The following CNKSR3 variants were observed in gnomAD, a reference collection of about 807,000 sequenced individuals.
CNKSR3 encodes the protein CNKSR family member 3, also known as connector enhancer of kinase suppressor of ras 3.
A neutral mutation model predicts 67.7 loss-of-function variants in CNKSR3; 36 were observed. The ratio of observed to expected loss-of-function variants is 0.53; its 90% CI spans 0.41 to 0.70. The LOEUF is 0.70. Ranked by LOEUF, CNKSR3 falls within the 30% of genes least tolerant of loss-of-function variation. The pLI, the probability that CNKSR3 is intolerant of heterozygous loss-of-function variation, is 0.00. For synonymous variants in CNKSR3, 281 were observed against 271.4 expected, an observed-to-expected ratio of 1.04 and a Z score of -0.35; for missense variants, 630 against 695.2, an observed-to-expected ratio of 0.91 and a Z score of 1.05.
Position 154,395,910 on chromosome 6 carries a change from G to A in CNKSR3, c.*10444C>T, listed in dbSNP as rs976915590. On this transcript the variant is annotated 3_prime_UTR_variant, in exon 13 of 13. Coordinates refer to ENST00000607772, the MANE Select transcript of CNKSR3 (RefSeq NM_173515.4). ...CCACCACACTCGGTTAATTTTGTTT[G>A]TTTGGAGGCAGGGTTTCACCATGTT... 1.3e-5 allele frequency: 2 copies of A among 152,280 alleles called. No homozygotes were observed. The highest frequency in any genetic ancestry group is 3.9e-4 in the East Asian group (2 of 5,176). The allele number at this position is 152,280 out of a possible 1,614,324, so 9.4% of individuals were successfully genotyped here. A position where few individuals can be genotyped will look rare whatever the true frequency, so the allele number is the denominator to read the frequency against.
intron 1 of CNKSR3, among the ~76,000 whole-genome samples, chr6:154,458,783 C>T (rs1165943599): frequency 3.9e-5 from 6 of 152,172 alleles, no homozygotes; most frequent in Non-Finnish European, 8.8e-5. Context: ...CTGACACCCA[C>T]GCACACTACT....
intron 2 of CNKSR3, among the ~76,000 whole-genome samples, chr6:154,445,343 T>C (rs937086822): frequency 3.9e-5 from 6 of 152,134 alleles, no homozygotes; most frequent in Non-Finnish European, 8.8e-5. Flanking sequence ...TGTCCTTCAA[T>C]AGAGAGACAA....
At chr6:154,476,876 A>C (rs1786463374) in intron 1 of CNKSR3, among the ~76,000 whole-genome samples, 1 of 152,320 alleles carries the variant, frequency 6.6e-6, no homozygotes, top group African/African-American at 2.4e-5. Flanking sequence ...AGGTCTTAAA[A>C]ATATCCAGGT....
chr6:154,416,399 T>C (rs1465716413), intron 9 of CNKSR3, among the ~76,000 whole-genome samples: 1 of 152,214 alleles, frequency 6.6e-6, no homozygotes, highest in Non-Finnish European at 1.5e-5. Flanking sequence ...CTATCAATTC[T>C]ACTCAATTTG....
At chr6:154,502,895 T>C (rs1431747052) in intron 1 of CNKSR3, among the ~76,000 whole-genome samples, 1 of 151,532 alleles carries the variant, frequency 6.6e-6, no homozygotes, top group Non-Finnish European at 1.5e-5. Context: ...ACACGCTGGG[T>C]GAAAAGAGAG....
At chr6:154,464,225 G>A (rs536578900) in intron 1 of CNKSR3, among the ~76,000 whole-genome samples, 26 of 152,288 alleles carry the variant, frequency 1.7e-4, no homozygotes, top group African/African-American at 6.3e-4. Context: ...GACTGTTAGG[G>A]TGGAGGGTGA....
At chr6:154,493,747 T>C (rs982169032) in intron 1 of CNKSR3, among the ~76,000 whole-genome samples, 4 of 151,892 alleles carry the variant, frequency 2.6e-5, no homozygotes, top group East Asian at 2.0e-4. Flanking sequence ...CAGGCACACA[T>C]GGCAGCAGCG....
At chr6:154,461,765 T>C (rs1408777982) in intron 1 of CNKSR3, among the ~76,000 whole-genome samples, 3 of 152,220 alleles carry the variant, frequency 2.0e-5, no homozygotes, top group African/African-American at 4.8e-5. Flanking sequence ...AGCTTATAAG[T>C]AACTGGCCTA....
intron 1 of CNKSR3, among the ~76,000 whole-genome samples, chr6:154,487,270 G>A (rs1165738441): frequency 1.3e-5 from 2 of 152,154 alleles, no homozygotes; most frequent in Non-Finnish European, 2.9e-5. Context: ...GGATATGCCT[G>A]AGTTCTATGC....
At chr6:154,505,703 T>C (rs1006047416) in intron 1 of CNKSR3, among the ~76,000 whole-genome samples, 5 of 149,436 alleles carry the variant, frequency 3.3e-5, no homozygotes, top group African/African-American at 4.8e-5. Flanking sequence ...GGTTTCACCA[T>C]GTTGGTCAGG....
At chr6:154,454,576 T>G (rs1379606981) in intron 1 of CNKSR3, among the ~76,000 whole-genome samples, 1 of 152,104 alleles carries the variant, frequency 6.6e-6, no homozygotes, top group Non-Finnish European at 1.5e-5. Context: ...CACTGCAGCA[T>G]AGCAGCACGA....
At chr6:154,436,164 A>G (rs555136850) in intron 4 of CNKSR3, among the ~76,000 whole-genome samples, 1 of 152,310 alleles carries the variant, frequency 6.6e-6, no homozygotes, top group East Asian at 1.9e-4. Context: ...TTCTGCTTCC[A>G]TGGCTTGCTT....
At chr6:154,445,091 T>C (rs1785682294) in intron 2 of CNKSR3, among the ~76,000 whole-genome samples, 1 of 152,116 alleles carries the variant, frequency 6.6e-6, no homozygotes, top group Non-Finnish European at 1.5e-5. Context: ...AAAACAATTC[T>C]AATTTTAAAT....
rs375557007 is a variant in CNKSR3, at chr6:154,424,758, T to A, written c.730-1775A>T. 7.2e-5 allele frequency among the ~76,000 whole-genome samples: 11 copies of A among 152,076 alleles called. No individual in the cohort carries two copies. In the South Asian group the frequency reaches 2.3e-3, roughly 32 times the overall value. Reference sequence around the variant, plus strand: ...TGTTCATCTCAAGTTTCTGTTTTGTTTTTTTGTTGTTGTTGTTGTTGTTTT... The same window carrying A: ...TGTTCATCTCAAGTTTCTGTTTTGTATTTTTGTTGTTGTTGTTGTTGTTTT... On this transcript the variant is annotated intron_variant, in intron 7 of 12. Coordinates refer to ENST00000607772, the MANE Select transcript of CNKSR3 (RefSeq NM_173515.4).
chr6:154,496,073 C>T (rs983396835), intron 1 of CNKSR3, among the ~76,000 whole-genome samples: 2 of 152,174 alleles, frequency 1.3e-5, no homozygotes, highest in East Asian at 3.8e-4. Context: ...GTTAGACATG[C>T]GGCCGTCACT....
At chr6:154,419,072 A>G (rs1785082455) in intron 9 of CNKSR3, among the ~76,000 whole-genome samples, 1 of 133,376 alleles carries the variant, frequency 7.5e-6, no homozygotes, top group South Asian at 2.3e-4. Flanking sequence ...ACAAGGTCTC[A>G]CTCTGTCACT....
At chr6:154,480,326 A>C (rs1439294657) in intron 1 of CNKSR3, among the ~76,000 whole-genome samples, 1 of 152,168 alleles carries the variant, frequency 6.6e-6, no homozygotes, top group Non-Finnish European at 1.5e-5. Flanking sequence ...CGAAGGGCTA[A>C]ATGCTCAAGG....
chr6:154,409,517 A>G (rs9384211), intron 12 of CNKSR3, among the ~76,000 whole-genome samples: 28,434 of 152,058 alleles, frequency 0.19, 2,767 homozygotes, highest in African/African-American at 0.23. Context: ...ATCAGAAATC[A>G]AACAGACTCC....
At chr6:154,459,284 G>A (rs191028865) in intron 1 of CNKSR3, among the ~76,000 whole-genome samples, 1 of 151,856 alleles carries the variant, frequency 6.6e-6, no homozygotes, top group African/African-American at 2.4e-5. Flanking sequence ...TGGAAGCAGG[G>A]GCCCTGTGAA....
Sources: allele counts gnomAD v4.1 joint callset (sites outside exome capture counted in the v4.1 genomes callset), GRCh38; gene constraint gnomAD v4.1.1; transcripts MANE v1.5; gene names NCBI Gene and HGNC (gene_info 2026-07-23, HGNC 2026-07-21).